The following NAV3 variants were observed in gnomAD, a reference collection of about 807,000 sequenced individuals.
The protein encoded by NAV3 is pore membrane and/or filament interacting like protein 1.
Under a neutral mutation model 244.7 loss-of-function variants are expected in NAV3, and 87 were observed. The ratio of observed to expected loss-of-function variants is 0.36; its 90% CI spans 0.30 to 0.42. The LOEUF is 0.42. NAV3 is among the 20% of genes least tolerant of loss of function. NAV3 has a pLI of 1.00. For synonymous variants in NAV3, 1,126 were observed against 1,042.2 expected (o/e 1.08, Z -1.55); for missense variants, 2,663 against 2,893.3 (o/e 0.92, Z 1.83).
chr12:78,178,702 C>T (rs1020994012), intron 28 of NAV3, among the ~76,000 whole-genome samples: 1 of 152,112 alleles, frequency 6.6e-6, no homozygotes, highest in African/African-American at 2.4e-5. Context: ...CTGTGCTTTG[C>T]CTACATAATT....
At position 78,021,809 on chromosome 12, in the gene NAV3, A is replaced by G; in HGVS notation, c.1970A>G (p.Lys657Arg). ...PSADSCTSPT[K>R]MDLSYSKTAK... ...GCTGACTCCTGTACCAGTCCTACAA[A>G]GATGGACTTATCATATAGTAAGACT... The change falls in exon 9 of 40, where the codon AAG (lysine) becomes AGG (arginine). Residue 657 changes from lysine (K) to arginine (R), a missense_variant. Coordinates refer to ENST00000397909, the MANE Select transcript of NAV3 (RefSeq NM_001024383.2). 1 of 1,611,630 alleles carries G rather than the reference A, an allele frequency of 6.2e-7. No homozygotes were observed. Among genetic ancestry groups the G allele is most frequent in the Non-Finnish European group, 8.5e-7 (1 of 1,178,678 alleles).
In NAV3 at chr12:77,793,437, G is replaced by A. The variant is rs144876835; in HGVS notation, c.73-146882G>A. ...GTCATCTAGGTTTTAAGCCCCACATGCATTAGGTATTTGTCCTAATGCTTT... is the reference window on the plus strand; with the variant it reads ...GTCATCTAGGTTTTAAGCCCCACATACATTAGGTATTTGTCCTAATGCTTT... On this transcript the variant is annotated intron_variant, in intron 2 of 8. Coordinates refer to the NAV3 transcript ENST00000550042. Among the ~76,000 whole-genome samples, 700 of 152,130 alleles carry A rather than the reference G, an allele frequency of 4.6e-3. 5 individuals carry two copies. Among genetic ancestry groups the A allele is most frequent in the African/African-American group, 0.015 (643 of 41,518 alleles).
At chr12:78,173,898 C>T (rs758587600) in intron 24 of NAV3, among the ~76,000 whole-genome samples, 3 of 151,530 alleles carry the variant, frequency 2.0e-5, no homozygotes, top group Non-Finnish European at 3.0e-5. Context: ...ACATATATTA[C>T]ATGTCTATCA....
At chr12:77,801,627 AAG>A (rs1871712491) in intron 2 of NAV3, among the ~76,000 whole-genome samples, 1 of 152,158 alleles carries the variant, frequency 6.6e-6, no homozygotes, top group African/African-American at 2.4e-5. Context: ...GACCCTAAGG[AAG>A]TAGTATGTCC....
chr12:78,059,109 C>A lies in NAV3; in HGVS notation c.2630C>A (p.Ala877Glu). The A allele has an allele frequency of 6.2e-7, 1 of 1,610,538 alleles. No individual in the cohort carries two copies. The highest frequency in any genetic ancestry group is 8.5e-7 in the Non-Finnish European group (1 of 1,178,386). Residue 877 changes from alanine (A) to glutamate (E), a missense_variant, in exon 12 of 40, where the codon GCA (alanine) becomes GAA (glutamate). Physicochemically the swap from Ala to Glu is moderately radical, Grantham distance 107. Transcript: ENST00000397909. ...QRGVHDVTVD[A>E]DSWDDSSSVS... ...GGGGTTCACGATGTGACAGTGGATG[C>A]AGACAGGTAATGCTATCAGCATATA...
intron 3 of NAV3, among the ~76,000 whole-genome samples, chr12:77,954,581 T>C (rs1280574835): frequency 6.6e-6 from 1 of 152,194 alleles, no homozygotes; most frequent in African/African-American, 2.4e-5. Context: ...ATGGAGTAAA[T>C]AGCATACTTG....
intron 2 of NAV3, among the ~76,000 whole-genome samples, chr12:77,581,373 A>G (rs1006635231): frequency 2.0e-5 from 3 of 152,190 alleles, no homozygotes; most frequent in African/African-American, 7.2e-5. Flanking sequence ...ATTCTTCATG[A>G]TCAATTTTTC....
chr12:77,718,929 A>G (rs560529736), intron 2 of NAV3, among the ~76,000 whole-genome samples: 147 of 152,272 alleles, frequency 9.7e-4, no homozygotes, highest in Non-Finnish European at 1.2e-3. Flanking sequence ...TGCTGGGATT[A>G]CAGGCATGAG....
chr12:78,032,736 A>T (rs1879207079), intron 9 of NAV3, among the ~76,000 whole-genome samples: 1 of 152,294 alleles, frequency 6.6e-6, no homozygotes, highest in African/African-American at 2.4e-5. Context: ...TACAGATTTT[A>T]CTGCTTTGGC....
chr12:78,203,894 T>C (rs554656816), intron 38 of NAV3, among the ~76,000 whole-genome samples: 1 of 151,726 alleles, frequency 6.6e-6, no homozygotes, highest in South Asian at 2.1e-4. Context: ...CCCTTTCTAG[T>C]TTGGGTTCAG....
At chr12:77,789,508 TA>T (rs36070299) in intron 2 of NAV3, among the ~76,000 whole-genome samples, 82,128 of 146,656 alleles carry the variant, frequency 0.56, 22,802 homozygotes, top group South Asian at 0.67. Flanking sequence ...GCTAATGAGC[TA>T]AAAAAAAAAA....
chr12:77,757,382 C>T (rs1422208363), intron 2 of NAV3, among the ~76,000 whole-genome samples: 2 of 152,142 alleles, frequency 1.3e-5, no homozygotes, highest in Non-Finnish European at 2.9e-5. Flanking sequence ...ACTAGTTTAC[C>T]ACACTACCTT....
rs1875749973 is a variant in NAV3 at position 77,705,383 on chromosome 12, G to A, written c.72+133117G>A. The stretch of plus-strand genomic sequence containing the variant: ...TGCACCACTACACTTCAGCCTGGGT[G>A]ACAGCACGAGACTCTGTCTCAAAAA... On this transcript the variant is annotated intron_variant, in intron 2 of 8. Transcript: ENST00000550042. Among the ~76,000 whole-genome samples the A allele has an allele frequency of 3.3e-5, 5 of 151,494 alleles. No individual in the cohort carries two copies. In the South Asian group the frequency reaches 8.3e-4, roughly 25 times the overall value.
At chr12:78,064,051 A>G (rs1884662242) in intron 12 of NAV3, among the ~76,000 whole-genome samples, 1 of 152,176 alleles carries the variant, frequency 6.6e-6, no homozygotes, top group Admixed American at 6.6e-5. Context: ...GGGATGAGAT[A>G]AAGACAGGTA....
intron 2 of NAV3, among the ~76,000 whole-genome samples, chr12:77,795,158 A>G (rs898471266): frequency 2.0e-5 from 3 of 152,208 alleles, no homozygotes; most frequent in Admixed American, 2.0e-4. Context: ...TAAAGTAATT[A>G]AGTAGCAATT....
At chr12:77,645,067 A>G (rs1347677836) in intron 2 of NAV3, among the ~76,000 whole-genome samples, 6 of 152,120 alleles carry the variant, frequency 3.9e-5, no homozygotes, top group African/African-American at 7.2e-5. Context: ...TTTGTTCACT[A>G]CAAGTTGGGT....
chr12:77,810,514 T>C (rs1872237108), intron 2 of NAV3, among the ~76,000 whole-genome samples: 1 of 152,184 alleles, frequency 6.6e-6, no homozygotes, highest in South Asian at 2.1e-4. Flanking sequence ...TTTTATTACT[T>C]AGTGAATAAT....
rs549007547 is a variant in NAV3 at position 78,092,924 on chromosome 12, T to C, written c.2637-23848T>C. On this transcript the variant is annotated intron_variant, in intron 12 of 39. Coordinates refer to ENST00000397909, the MANE Select transcript of NAV3 (RefSeq NM_001024383.2). The stretch of plus-strand genomic sequence containing the variant: ...CTGCTGCAGAGCACAGAACAATGTA[T>C]GTAACTTGGCTTTCATATGTTAGGT... 0.016 allele frequency among the ~76,000 whole-genome samples: 40 copies of C among 2,528 alleles called. No homozygotes were observed. In the Non-Finnish European group the frequency reaches 0.21, roughly 13 times the overall value. The allele number at this position is 2,528 out of a possible 152,430, so 1.7% of individuals were successfully genotyped here. A position where few individuals can be genotyped will look rare whatever the true frequency, so the allele number is the denominator to read the frequency against.
chr12:77,867,962 T>C (rs566310183), intron 1 of NAV3, among the ~76,000 whole-genome samples: 1 of 152,142 alleles, frequency 6.6e-6, no homozygotes, highest in South Asian at 2.1e-4. Context: ...GAAAGGGAAG[T>C]GGACTTACAC....
Sources: gnomAD v4.1 joint callset for allele counts (sites outside exome capture counted in the v4.1 genomes callset) on GRCh38, gnomAD v4.1.1 for gene constraint, MANE v1.5 for transcripts, NCBI Gene and HGNC (gene_info 2026-07-23, HGNC 2026-07-21) for gene names.